EML6: variants seen among roughly 807,000 people sequenced by gnomAD.
EML6 encodes the protein EMAP like 6.
EML6 carries 154 observed loss-of-function variants against 240.1 expected under a neutral mutation model. The ratio of observed to expected loss-of-function variants is 0.64; its 90% CI spans 0.56 to 0.73. The LOEUF is 0.73. Ranked by LOEUF, EML6 falls within the 30% of genes least tolerant of loss-of-function variation. The pLI is 0.00. For missense variants in EML6, 2,964 were observed against 2,474.6 expected (o/e 1.20, Z -4.20); for synonymous variants, 1,148 against 899.0 (o/e 1.28, Z -4.95).
intron 28 of EML6, among the ~76,000 whole-genome samples, chr2:54,933,482 C>T (rs1271321319): frequency 6.6e-6 from 1 of 152,124 alleles, no homozygotes; most frequent in Non-Finnish European, 1.5e-5. Context: ...TGCCTGTAAT[C>T]CCAGAATTTG....
At chr2:54,850,446 C>G (rs1388705056) in intron 10 of EML6, 2 of 489,350 alleles carry the variant, frequency 4.1e-6, no homozygotes, top group East Asian at 3.3e-5. Context: ...CTAAAAGTTG[C>G]TGCACAACAA....
intron 28 of EML6, among the ~76,000 whole-genome samples, chr2:54,935,788 A>G (rs191405050): frequency 2.7e-3 from 409 of 152,318 alleles, no homozygotes; most frequent in Non-Finnish European, 3.9e-3. Context: ...AGGTGGGAGG[A>G]TAACTTGAAT....
chr2:54,965,552 C>T (rs911783611), intron 38 of EML6, among the ~76,000 whole-genome samples: 5 of 152,124 alleles, frequency 3.3e-5, no homozygotes, highest in African/African-American at 4.8e-5. Context: ...CTGAGCATTC[C>T]GGAAGCAGAG....
chr2:54,778,479 G>A (rs1281687389), intron 2 of EML6, among the ~76,000 whole-genome samples: 1 of 152,084 alleles, frequency 6.6e-6, no homozygotes, highest in African/African-American at 2.4e-5. Flanking sequence ...TCCAAATGAG[G>A]ATTACCATCA....
chr2:54,863,945 G>T (rs1670824703), intron 13 of EML6, 56 bp downstream of exon 13: 2 of 940,080 alleles, frequency 2.1e-6, no homozygotes, highest in East Asian at 2.8e-5. Flanking sequence ...TCTCATTCCT[G>T]GATTTGGACA....
intron 29 of EML6, among the ~76,000 whole-genome samples, chr2:54,949,899 C>G (rs773328554): frequency 1.3e-5 from 2 of 152,208 alleles, no homozygotes; most frequent in Non-Finnish European, 2.9e-5. Context: ...CTCCCAGTAC[C>G]CTGGTCTTTC....
chr2:54,878,112 A>G (rs1558641187), intron 16 of EML6, among the ~76,000 whole-genome samples: 1 of 152,266 alleles, frequency 6.6e-6, no homozygotes, highest in Non-Finnish European at 1.5e-5. Flanking sequence ...TGTAATATAC[A>G]TATAAATATT....
intron 3 of EML6, among the ~76,000 whole-genome samples, chr2:54,814,355 C>T (rs1667989088): frequency 6.6e-6 from 1 of 152,156 alleles, no homozygotes; most frequent in Non-Finnish European, 1.5e-5. Flanking sequence ...CTCCCAACAA[C>T]ATTTTCTCTT....
Position 54,913,557 on chromosome 2 carries a change from T to C in EML6, c.3498+2515T>C, listed in dbSNP as rs185921489. On this transcript the variant is annotated intron_variant, in intron 25 of 41. Coordinates refer to ENST00000356458, the MANE Select transcript of EML6 (RefSeq NM_001039753.4). ...TTAGATTCTGGATATTAGACCCTTT[T>C]CAGGTGCATAGTTTGCAAATACTTT... is the stretch of plus-strand genomic sequence containing the variant. Among the ~76,000 whole-genome samples, 120 of 152,312 alleles carry C rather than the reference T, an allele frequency of 7.9e-4. 1 individual carries two copies. The highest frequency in any genetic ancestry group is 2.6e-3 in the African/African-American group (110 of 41,568).
At chr2:54,781,968 C>G (rs1668874781) in intron 2 of EML6, among the ~76,000 whole-genome samples, 1 of 152,294 alleles carries the variant, frequency 6.6e-6, no homozygotes, top group South Asian at 2.1e-4. Context: ...CACTCCTGGA[C>G]TACAAATATA....
chr2:54,826,752 C>T lies in EML6; in HGVS notation c.526-814C>T, dbSNP rs372276835. On this transcript the variant is annotated intron_variant, in intron 5 of 41. Coordinates refer to ENST00000356458, the MANE Select transcript of EML6 (RefSeq NM_001039753.4). ...TTTTATGCAACTAAAACTGAAAAGC[C>T]GAGTCAATTATTTGGGTATATGGAA... is the stretch of plus-strand genomic sequence containing the variant. 2.0e-4 allele frequency among the ~76,000 whole-genome samples: 31 copies of T among 152,198 alleles called. No individual in the cohort carries two copies. In the East Asian group the frequency reaches 3.5e-3, roughly 17 times the overall value.
At chr2:54,799,567 T>A (rs532253900) in intron 2 of EML6, among the ~76,000 whole-genome samples, 104 of 152,136 alleles carry the variant, frequency 6.8e-4, no homozygotes, top group East Asian at 3.9e-4. Context: ...ATGGTCTCGA[T>A]CTCCTGACCT....
chr2:54,925,065 T>G (rs1298902199), intron 26 of EML6, among the ~76,000 whole-genome samples: 3 of 152,190 alleles, frequency 2.0e-5, no homozygotes, highest in Non-Finnish European at 2.9e-5. Flanking sequence ...AATGGGACTG[T>G]ATTTGGAGAT....
chr2:54,777,360 G>C (rs935147962), intron 2 of EML6, among the ~76,000 whole-genome samples: 23 of 152,202 alleles, frequency 1.5e-4, no homozygotes, highest in African/African-American at 5.3e-4. Context: ...CGTCCTGATG[G>C]CTTCTTGACT....
intron 25 of EML6, among the ~76,000 whole-genome samples, chr2:54,915,172 G>C (rs1393575575): frequency 6.6e-6 from 1 of 152,170 alleles, no homozygotes; most frequent in African/African-American, 2.4e-5. Context: ...TCCATTTTAA[G>C]TGCAATTTCT....
In EML6 at chr2:54,895,264, C is replaced by T. The variant is rs1422849105; in HGVS notation, c.2855-9C>T. 6.4e-7 allele frequency: 1 copy of T among 1,551,456 alleles called. No homozygotes were observed. On this transcript the variant is annotated splice_polypyrimidine_tract_variant and intron_variant, in intron 20 of 41. Transcript: ENST00000356458. ...GTTATTGTGTTAAATATACCATCCCCTTCCCCAGGCTTGCTTTTGGAAGAT... is the reference window on the plus strand; with the variant it reads ...GTTATTGTGTTAAATATACCATCCCTTTCCCCAGGCTTGCTTTTGGAAGAT...
intron 2 of EML6, among the ~76,000 whole-genome samples, chr2:54,795,147 C>G (rs890868795): frequency 2.0e-5 from 3 of 152,148 alleles, no homozygotes; most frequent in African/African-American, 7.2e-5. Context: ...TGTTTTCACA[C>G]TACTATAAAG....
intron 10 of EML6, among the ~76,000 whole-genome samples, chr2:54,852,380 C>T (rs1309087164): frequency 1.3e-5 from 2 of 152,168 alleles, no homozygotes; most frequent in Non-Finnish European, 2.9e-5. Context: ...GACGTTACTT[C>T]ATATATTTTT....
intron 2 of EML6, among the ~76,000 whole-genome samples, chr2:54,727,401 C>A (rs888576527): frequency 6.6e-6 from 1 of 152,136 alleles, no homozygotes; most frequent in African/African-American, 2.4e-5. Flanking sequence ...GAAACACAAA[C>A]CACAGATTAT....
Sources: allele counts gnomAD v4.1 joint callset (sites outside exome capture counted in the v4.1 genomes callset), GRCh38; gene constraint gnomAD v4.1.1; transcripts MANE v1.5; gene names NCBI Gene and HGNC (gene_info 2026-07-23, HGNC 2026-07-21).